The following SLC25A13 variants were observed in gnomAD, a reference collection of about 807,000 sequenced individuals.
SLC25A13 encodes electrogenic aspartate/glutamate antiporter SLC25A13, mitochondrial.
In SLC25A13, 70 loss-of-function variants were observed where a neutral mutation model predicts 85.5. That is an observed-to-expected ratio of 0.82 (90% CI 0.68 to 1.00). The LOEUF is 1.00. SLC25A13 is among the 50% of genes least tolerant of loss of function. The pLI is 0.00. For synonymous variants in SLC25A13, 259 were observed against 288.7 expected (o/e 0.90, Z 1.04); for missense variants, 765 against 819.8 (o/e 0.93, Z 0.82).
At chr7:96,305,862 C>T (rs1799725020) in intron 1 of SLC25A13, among the ~76,000 whole-genome samples, 1 of 152,204 alleles carries the variant, frequency 6.6e-6, no homozygotes, top group South Asian at 2.1e-4. Flanking sequence ...TCAACCTCAT[C>T]TAACTGAAGC....
At chr7:96,182,855 A>C (rs1794472409) in intron 11 of SLC25A13, among the ~76,000 whole-genome samples, 1 of 152,214 alleles carries the variant, frequency 6.6e-6, no homozygotes, top group Non-Finnish European at 1.5e-5. Context: ...TAATACCAAG[A>C]AAAGCCCAAA....
intron 4 of SLC25A13, among the ~76,000 whole-genome samples, chr7:96,213,298 T>C (rs1281832822): frequency 6.6e-6 from 1 of 152,242 alleles, no homozygotes; most frequent in Non-Finnish European, 1.5e-5. Flanking sequence ...TAATATTCTT[T>C]TCTCCTTTTA....
intron 1 of SLC25A13, among the ~76,000 whole-genome samples, chr7:96,300,865 C>T (rs1429757843): frequency 6.6e-6 from 1 of 152,170 alleles, no homozygotes; most frequent in Non-Finnish European, 1.5e-5. Context: ...TATAGTAATT[C>T]CATCTATTAT....
chr7:96,149,135 C>A (rs1318319848), intron 13 of SLC25A13, among the ~76,000 whole-genome samples: 1 of 152,198 alleles, frequency 6.6e-6, no homozygotes, highest in African/African-American at 2.4e-5. Context: ...GGCTGAGAAT[C>A]CCTGCACTAC....
chr7:96,191,334 A>C (rs1794841639), intron 6 of SLC25A13, 87 bp from the exon 7 acceptor site: 1 of 1,375,078 alleles, frequency 7.3e-7, no homozygotes, highest in Admixed American at 1.8e-5. Context: ...AACTAGTTTG[A>C]AAGTAATCAA....
chr7:96,296,824 C>T, intron 2 of SLC25A13, 74 bp downstream of exon 2: 1 of 1,383,046 alleles, frequency 7.2e-7, no homozygotes, highest in East Asian at 2.3e-5. Context: ...AAATAAAGAG[C>T]TGTTTGAAAA....
At chr7:96,319,550 A>AG in intron 1 of SLC25A13, among the ~76,000 whole-genome samples, 1 of 151,062 alleles carries the variant, frequency 6.6e-6, no homozygotes, top group East Asian at 1.9e-4. Context: ...CAAAAAAAAA[A>AG]AAAAAAAAAA....
chr7:96,121,792 A>T (rs919353076), intron 16 of SLC25A13, 47 bp from the exon 17 acceptor site: 3 of 1,613,878 alleles, frequency 1.9e-6, no homozygotes, highest in Non-Finnish European at 2.5e-6. Context: ...TATTTTAAAA[A>T]TTTACCTGAT....
intron 3 of SLC25A13, among the ~76,000 whole-genome samples, chr7:96,243,832 G>T (rs1299876401): frequency 2.0e-5 from 3 of 152,116 alleles, no homozygotes; most frequent in Non-Finnish European, 4.4e-5. Context: ...AGAAGGCAGG[G>T]GAAGGGAAAG....
intron 6 of SLC25A13, among the ~76,000 whole-genome samples, chr7:96,192,457 A>G (rs1329843210): frequency 6.6e-6 from 1 of 152,126 alleles, no homozygotes; most frequent in Admixed American, 6.5e-5. Flanking sequence ...GTGCTCCACG[A>G]GCAGGTCTTA....
chr7:96,215,148 G>C (rs146353915), intron 4 of SLC25A13, among the ~76,000 whole-genome samples: 1 of 152,152 alleles, frequency 6.6e-6, no homozygotes, highest in Admixed American at 6.5e-5. Context: ...GCCCAGGCTG[G>C]AGTACAGTGG....
chr7:96,204,435 G>A (rs950022677), intron 5 of SLC25A13, among the ~76,000 whole-genome samples: 16 of 152,116 alleles, frequency 1.1e-4, no homozygotes, highest in African/African-American at 3.6e-4. Context: ...AGCACTTTGA[G>A]AGGCCAAGGC....
At chr7:96,202,319 C>T (rs1795288447) in intron 5 of SLC25A13, among the ~76,000 whole-genome samples, 1 of 152,134 alleles carries the variant, frequency 6.6e-6, no homozygotes, top group African/African-American at 2.4e-5. Flanking sequence ...GTTTCATCAT[C>T]CTCTTCTGAC....
intron 13 of SLC25A13, among the ~76,000 whole-genome samples, chr7:96,147,694 G>C (rs1160379002): frequency 6.6e-6 from 1 of 152,162 alleles, no homozygotes; most frequent in Non-Finnish European, 1.5e-5. Flanking sequence ...AGAAAAATTA[G>C]AAACAACATA....
chr7:96,262,103 A>G (rs1487548424), intron 3 of SLC25A13, among the ~76,000 whole-genome samples: 2 of 152,238 alleles, frequency 1.3e-5, no homozygotes, highest in Non-Finnish European at 2.9e-5. Flanking sequence ...CTCATAGCTC[A>G]GTACAAGACT....
chr7:96,279,513 A>T (rs1046876600), intron 2 of SLC25A13, among the ~76,000 whole-genome samples: 17 of 152,188 alleles, frequency 1.1e-4, no homozygotes, highest in African/African-American at 3.9e-4. Context: ...GAGCTTGTGC[A>T]GGGGAACTCC....
intron 9 of SLC25A13, among the ~76,000 whole-genome samples, chr7:96,186,785 C>T (rs1232490126): frequency 6.6e-6 from 1 of 151,954 alleles, no homozygotes; most frequent in Non-Finnish European, 1.5e-5. Context: ...AATGTTTGAC[C>T]TATTTCCTGG....
chr7:96,297,562 G>A (rs1318628662), intron 1 of SLC25A13, among the ~76,000 whole-genome samples: 1 of 152,036 alleles, frequency 6.6e-6, no homozygotes, highest in Non-Finnish European at 1.5e-5. Context: ...TCAAACTCCT[G>A]ACCTCAAGTG....
At chr7:96,189,044 A>G (rs566163183) in intron 9 of SLC25A13, among the ~76,000 whole-genome samples, 9 of 152,358 alleles carry the variant, frequency 5.9e-5, no homozygotes, top group African/African-American at 2.2e-4. Flanking sequence ...TTTTCGGAGC[A>G]TTAGGCTTCT....
Sources: allele counts gnomAD v4.1 joint callset (sites outside exome capture counted in the v4.1 genomes callset), GRCh38; gene constraint gnomAD v4.1.1; transcripts MANE v1.5; gene names NCBI Gene and HGNC (gene_info 2026-07-23, HGNC 2026-07-21).